Variants in VIL1 observed in about 807,000 individuals in gnomAD.
The protein encoded by VIL1 is villin-1.
A neutral mutation model predicts 104.0 loss-of-function variants in VIL1; 86 were observed. That is an observed-to-expected ratio of 0.83 (90% CI 0.69 to 0.99). The LOEUF is 0.99. Ranked by LOEUF, VIL1 falls within the 50% of genes least tolerant of loss-of-function variation. The pLI is 0.00. For missense variants in VIL1, 944 were observed against 1,054.1 expected (o/e 0.90, Z 1.45); for synonymous variants, 394 against 412.6 (o/e 0.95, Z 0.55).
At chr2:218,432,556 G>T (rs533829130) in intron 12 of VIL1, 14 of 729,944 alleles carry the variant, frequency 1.9e-5, no homozygotes, top group Non-Finnish European at 3.1e-5. Context: ...TAAGGCTGGG[G>T]TTGCAGGTAG....
chr2:218,423,267 C>T (rs1051253907), intron 1 of VIL1, among the ~76,000 whole-genome samples: 9 of 152,216 alleles, frequency 5.9e-5, no homozygotes, highest in South Asian at 4.2e-4. Context: ...TGGTGGCTCA[C>T]GCCTGTAATC....
At chr2:218,421,883 A>T (rs1367220931) in intron 1 of VIL1, among the ~76,000 whole-genome samples, 1 of 151,952 alleles carries the variant, frequency 6.6e-6, no homozygotes, top group Non-Finnish European at 1.5e-5. Context: ...GATTTAGTTA[A>T]CCCCCTAAGT....
At chr2:218,426,803 C>A (rs529760171) in intron 4 of VIL1, among the ~76,000 whole-genome samples, 1 of 152,018 alleles carries the variant, frequency 6.6e-6, no homozygotes, top group Non-Finnish European at 1.5e-5. Flanking sequence ...AGGGTTTCAC[C>A]GTGTTAGCCA....
chr2:218,432,599 G>A (rs1181917388), intron 12 of VIL1, 194 bp from the exon 13 acceptor site: 1 of 859,370 alleles, frequency 1.2e-6, no homozygotes, highest in Non-Finnish European at 1.9e-6. Flanking sequence ...GAAAGAATTA[G>A]GTTTGAGGTT....
chr2:218,450,557 G>A lies in VIL1; in HGVS notation c.*1221G>A, dbSNP rs1169935630. 1.3e-5 allele frequency: 2 copies of A among 152,640 alleles called. No homozygotes were observed. The highest frequency in any genetic ancestry group is 3.8e-4 in the East Asian group (2 of 5,202). 9.5% of individuals were successfully genotyped at this position (152,640 alleles called of 1,614,324 possible). On this transcript the variant is annotated 3_prime_UTR_variant, in exon 20 of 20. Transcript: ENST00000248444. ...TCCTTAAGTTTAAAGAAACAACAAT[G>A]ACAATAGGCCAGAGAAGTTAGGGAG...
intron 4 of VIL1, among the ~76,000 whole-genome samples, chr2:218,426,183 G>A (rs557828145): frequency 7.9e-5 from 12 of 152,092 alleles, no homozygotes; most frequent in African/African-American, 1.7e-4. Context: ...TCTGGCCAAC[G>A]GGCAAATGGC....
chr2:218,450,717 C>T lies in VIL1; in HGVS notation c.*1381C>T, dbSNP rs1689455857. Reference sequence around the variant, plus strand: ...TGACTGTTCTTCTTTGTTCTGGCATCTGACTGGACCAACCTGGAACCTGGT... The same window carrying T: ...TGACTGTTCTTCTTTGTTCTGGCATTTGACTGGACCAACCTGGAACCTGGT... On this transcript the variant is annotated 3_prime_UTR_variant, in exon 20 of 20. Transcript: ENST00000248444. 1.3e-5 allele frequency: 2 copies of T among 152,230 alleles called. No homozygotes were observed. Among genetic ancestry groups the T allele is most frequent in the Admixed American group, 1.3e-4 (2 of 15,272 alleles). 9.4% of individuals were successfully genotyped at this position (152,230 alleles called of 1,614,324 possible).
rs1031397465 is a variant in VIL1 at position 218,427,105 on chromosome 2, AAC to A, written c.348-853_348-852del. Among the ~76,000 whole-genome samples, 40 of 152,282 alleles carry A rather than the reference AAC, an allele frequency of 2.6e-4. 3 individuals carry two copies. In the East Asian group the frequency reaches 3.1e-3, roughly 12 times the overall value. Reference sequence around the variant, plus strand: ...GTTCTAGCTTAGCTTTCCCCAGGAAAACACACACTCTGGAGCTGAGTTGTTAC... The same window carrying A: ...GTTCTAGCTTAGCTTTCCCCAGGAAAACACACTCTGGAGCTGAGTTGTTAC... On this transcript the variant is annotated intron_variant, in intron 4 of 19. Coordinates refer to ENST00000248444, the MANE Select transcript of VIL1 (RefSeq NM_007127.3).
Position 218,440,821 on chromosome 2 carries a change from GTA to G in VIL1, c.2330_2331del (p.Val777GlyfsTer19), listed in dbSNP as rs780239888. ...CCTGGAGCAGCTAGTGAACAAGCCT[GTA>G]GAGGAGCTCCCCGAGGGTGTGGACC... ...FPLEQLVNKPVEELPEGVDPS... is the reference protein window; with the variant it reads ...FPLEQLVNKPXEELPEGVDPS... On this transcript the variant is annotated frameshift_variant, in exon 19 of 20. Coordinates refer to ENST00000248444, the MANE Select transcript of VIL1 (RefSeq NM_007127.3). LOFTEE classifies it high-confidence loss of function. 13 of 1,614,188 alleles carry G rather than the reference GTA, an allele frequency of 8.1e-6. No individual in the cohort carries two copies. Among genetic ancestry groups the G allele is most frequent in the Non-Finnish European group, 1.1e-5 (13 of 1,180,022 alleles).
In VIL1 at chr2:218,449,608, T is replaced by C; in HGVS notation, c.*272T>C. 1 of 320,556 alleles carries C rather than the reference T, an allele frequency of 3.1e-6. No homozygotes were observed. Among genetic ancestry groups the C allele is most frequent in the Admixed American group, 4.0e-5 (1 of 25,266 alleles). 19.9% of individuals were successfully genotyped at this position (320,556 alleles called of 1,614,324 possible). The stretch of plus-strand genomic sequence containing the variant: ...TGCATCAATTTTAATACTCCTATAG[T>C]TTTCTCTTCTTAGAAGAGCACAAAC... On this transcript the variant is annotated 3_prime_UTR_variant, in exon 20 of 20. Coordinates refer to ENST00000248444, the MANE Select transcript of VIL1 (RefSeq NM_007127.3).
At position 218,449,237 on chromosome 2, in the gene VIL1, T is replaced by C. The variant is rs1230342398; in HGVS notation, c.2385T>C (p.Ile795=). The change falls in exon 20 of 20, where the codon ATT becomes ATC. Residue 795 remains isoleucine (I), a synonymous_variant. Coordinates refer to ENST00000248444, the MANE Select transcript of VIL1 (RefSeq NM_007127.3). The part of the protein sequence containing the change: ...DPSRKEEHLS[I]EDFTQAFGMT... ...TCTTCTTCTAGGAACACCTGTCCAT[T>C]GAAGATTTCACTCAGGCCTTTGGGA... The C allele has an allele frequency of 6.2e-7, 1 of 1,613,628 alleles. No individual in the cohort carries two copies. Among genetic ancestry groups the C allele is most frequent in the Non-Finnish European group, 8.5e-7 (1 of 1,179,658 alleles).
rs1301016384 is a variant in VIL1 at position 218,452,885 on chromosome 2, A to G, written c.*3549A>G. ...AATTTTATCACCGCTTCACTCATTT[A>G]TAAGAAAACCAATTATTTCCAAGCA... is the stretch of plus-strand genomic sequence containing the variant. On this transcript the variant is annotated 3_prime_UTR_variant, in exon 20 of 20. Transcript: ENST00000248444. The G allele has an allele frequency of 2.0e-5, 3 of 152,244 alleles. No homozygotes were observed. Among genetic ancestry groups the G allele is most frequent in the African/African-American group, 7.2e-5 (3 of 41,468 alleles). The allele number at this position is 152,244 out of a possible 1,614,324, so 9.4% of individuals were successfully genotyped here. A position where few individuals can be genotyped will look rare whatever the true frequency, so the allele number is the denominator to read the frequency against.
intron 18 of VIL1, among the ~76,000 whole-genome samples, chr2:218,440,041 T>TCATGAAACCCTTCTTGGTGGACTGA (rs1484873612): frequency 6.6e-6 from 1 of 151,858 alleles, no homozygotes; most frequent in Non-Finnish European, 1.5e-5. Flanking sequence ...CCTGCAGCAC[T>TCATGAAACCCTTCTTGGTGGACTGA]CATGAAACCC....
intron 19 of VIL1, among the ~76,000 whole-genome samples, chr2:218,441,875 T>C (rs529747192): frequency 6.6e-6 from 1 of 152,206 alleles, no homozygotes; most frequent in East Asian, 1.9e-4. Flanking sequence ...TAATCCCAGC[T>C]ACTCGGGATG....
At position 218,432,882 on chromosome 2, in the gene VIL1, C is replaced by G. The variant is rs761277831; in HGVS notation, c.1431C>G (p.Ile477Met). The stretch of plus-strand genomic sequence containing the variant: ...AGTACAATGGTGAACCAGTCCAGAT[C>G]CGGGTCCCAATGGGCAAGGAGCCAC... Reference protein sequence around the residue: ...DQKYNGEPVQIRVPMGKEPPH... With the variant: ...DQKYNGEPVQMRVPMGKEPPH... Residue 477 changes from isoleucine to methionine, a missense_variant, in exon 13 of 20, where the codon ATC (isoleucine) becomes ATG (methionine). Ile to Met is a conservative substitution (Grantham distance 10). Transcript: ENST00000248444. 1.2e-6 allele frequency: 2 copies of G among 1,614,206 alleles called. No individual in the cohort carries two copies. Among genetic ancestry groups the G allele is most frequent in the Non-Finnish European group, 1.7e-6 (2 of 1,180,044 alleles).
intron 1 of VIL1, 24 bp downstream of exon 1, chr2:218,419,192 A>G (rs1688859914): frequency 6.6e-6 from 1 of 152,282 alleles, no homozygotes; most frequent in African/African-American, 2.4e-5. Context: ...GTGGGAACAC[A>G]TGGAGACCTT....
In VIL1 at chr2:218,429,904, A is replaced by G; in HGVS notation, c.905A>G (p.Lys302Arg). 6.2e-7 allele frequency: 1 copy of G among 1,613,696 alleles called. No individual in the cohort carries two copies. The highest frequency in any genetic ancestry group is 8.5e-7 in the Non-Finnish European group (1 of 1,179,838). Reference sequence around the variant, plus strand: ...AAGATCTACGTGTGGAAAGGGAAGAAAGCCAATGAGCAGGAGAAGAAGGGA... The same window carrying G: ...AAGATCTACGTGTGGAAAGGGAAGAGAGCCAATGAGCAGGAGAAGAAGGGA... ...GLKIYVWKGK[K>R]ANEQEKKGAM... Residue 302 changes from lysine (K) to arginine (R), a missense_variant, in exon 9 of 20, where the codon AAA becomes AGA. Transcript: ENST00000248444.
At chr2:218,438,078 TA>T (rs1559149479) in intron 17 of VIL1, among the ~76,000 whole-genome samples, 1 of 152,234 alleles carries the variant, frequency 6.6e-6, no homozygotes, top group Non-Finnish European at 1.5e-5. Flanking sequence ...CAAGGCAGCA[TA>T]TCGAGATGCC....
chr2:218,425,495 G>T, intron 3 of VIL1, 120 bp from the exon 4 acceptor site: 1 of 960,052 alleles, frequency 1.0e-6, no homozygotes. Flanking sequence ...CCAGCCTAGT[G>T]CACTTGCCCT....
Sources: allele counts gnomAD v4.1 joint callset (sites outside exome capture counted in the v4.1 genomes callset), GRCh38; gene constraint gnomAD v4.1.1; transcripts MANE v1.5; gene names NCBI Gene and HGNC (gene_info 2026-07-23, HGNC 2026-07-21).